The following KCNG2 variants were observed in gnomAD, a reference collection of about 807,000 sequenced individuals.
KCNG2 encodes the protein voltage-gated potassium channel regulatory subunit KCNG2.
In KCNG2, 7 loss-of-function variants were observed where a neutral mutation model predicts 12.3. The ratio of observed to expected loss-of-function variants is 0.57; its 90% CI spans 0.32 to 1.07. The LOEUF (loss-of-function observed/expected upper bound fraction) is 1.07, where lower values mean the gene tolerates loss of function less well. Among genes scored for constraint, KCNG2 ranks in the 50% least tolerant of loss-of-function variants. The probability of loss-of-function intolerance (pLI) is 0.04; values close to 1 mark genes in which losing one functional copy is unlikely to be tolerated. For missense variants in KCNG2, 703 were observed against 726.0 expected, an observed-to-expected ratio of 0.97 and a Z score of 0.36; for synonymous variants, 414 against 351.4, an observed-to-expected ratio of 1.18 and a Z score of -1.99.
Position 79,899,783 on chromosome 18 carries a change from C to A in KCNG2, c.1368C>A (p.Ser456=). The A allele has an allele frequency of 6.8e-7, 1 of 1,460,078 alleles. No homozygotes were observed. Among genetic ancestry groups the A allele is most frequent in the South Asian group, 1.4e-5 (1 of 70,974 alleles). 90.4% of individuals were successfully genotyped at this position (1,460,078 alleles called of 1,614,324 possible). ...ACAGCGCGGGCCTGGCCGACGACTC[C>A]GCGGATGCGCTGTGGGTGCGGGCAG... ...GPDSAGLADD[S]ADALWVRAGR Residue 456 remains serine, a synonymous_variant, in exon 4 of 4, where the codon TCC becomes TCA. Transcript: ENST00000316249.
At chr18:79,809,679 A>T (rs1432941344) in intron 1 of KCNG2, among the ~76,000 whole-genome samples, 1 of 151,526 alleles carries the variant, frequency 6.6e-6, no homozygotes, top group African/African-American at 2.4e-5. Flanking sequence ...TGCCCAGCGC[A>T]CCTGCCGCTT....
At chr18:79,851,620 G>A (rs1210927730) in intron 1 of KCNG2, among the ~76,000 whole-genome samples, 1 of 76,376 alleles carries the variant, frequency 1.3e-5, no homozygotes, top group Non-Finnish European at 3.5e-5. Context: ...GTGTGAGAGT[G>A]TGTGTGTATG....
intron 3 of KCNG2, among the ~76,000 whole-genome samples, chr18:79,882,758 G>T (rs183937840): frequency 1.4e-3 from 202 of 146,722 alleles, no homozygotes; most frequent in African/African-American, 4.8e-3. Flanking sequence ...GGCTGCCGTG[G>T]AGCGCGGAGG....
intron 1 of KCNG2, among the ~76,000 whole-genome samples, chr18:79,810,570 C>G (rs1469575782): frequency 1.3e-5 from 2 of 152,140 alleles, no homozygotes; most frequent in Non-Finnish European, 2.9e-5. Context: ...AAATTTAAGA[C>G]CAGCTTGGGG....
intron 3 of KCNG2, among the ~76,000 whole-genome samples, chr18:79,885,148 CAG>C (rs1365841543): frequency 6.6e-6 from 1 of 152,170 alleles, no homozygotes; most frequent in East Asian, 1.9e-4. Flanking sequence ...GGCTGTGGAG[CAG>C]AGTCTGAAGG....
chr18:79,844,712 A>G (rs974700381), intron 1 of KCNG2, among the ~76,000 whole-genome samples: 2 of 152,262 alleles, frequency 1.3e-5, no homozygotes, highest in African/African-American at 2.4e-5. Flanking sequence ...ATGTCACCAC[A>G]CAGCTATGAG....
At position 79,893,171 on chromosome 18, in the gene KCNG2, T is replaced by C. The variant is rs2123128836; in HGVS notation, c.625-5869T>C. ...ACATCTAATGTTATGATTGATATAGTTGGCTCCGTGTCCGCTTTTGATTGG... is the reference window on the plus strand; with the variant it reads ...ACATCTAATGTTATGATTGATATAGCTGGCTCCGTGTCCGCTTTTGATTGG... On this transcript the variant is annotated intron_variant, in intron 3 of 3. Coordinates refer to ENST00000316249, the MANE Select transcript of KCNG2 (RefSeq NM_012283.2). Among the ~76,000 whole-genome samples, 2 of 152,270 alleles carry C rather than the reference T, an allele frequency of 1.3e-5. 1 individual carries two copies. The highest frequency in any genetic ancestry group is 4.2e-4 in the South Asian group (2 of 4,816).
intron 3 of KCNG2, among the ~76,000 whole-genome samples, chr18:79,865,375 G>A (rs541165050): frequency 2.3e-5 from 3 of 133,170 alleles, no homozygotes; most frequent in South Asian, 4.9e-4. Flanking sequence ...TGTGCTGAGA[G>A]TGTGGGTGCT....
In KCNG2 at chr18:79,899,126, C is replaced by T. The variant is rs753634460; in HGVS notation, c.711C>T (p.Ser237=). 7 of 1,607,466 alleles carry T rather than the reference C, an allele frequency of 4.4e-6. No homozygotes were observed. Among genetic ancestry groups the T allele is most frequent in the Middle Eastern group, 3.3e-4 (2 of 6,056 alleles). The change falls in exon 4 of 4, where the codon TCC becomes TCT. Residue 237 remains serine (S), a synonymous_variant. Transcript: ENST00000316249. ...TCTCCTTCGAGTTCCTGCTGCGCTC[C>T]CTGCAGGCCGAGAGCAAGTGCGCCT... ...AWFSFEFLLR[S]LQAESKCAFL...
chr18:79,836,995 C>G (rs549516847), intron 1 of KCNG2, among the ~76,000 whole-genome samples: 1 of 152,306 alleles, frequency 6.6e-6, no homozygotes, highest in African/African-American at 2.4e-5. Context: ...AGCATTAACC[C>G]AAAAGTCCAA....
rs58042579 is a variant in KCNG2, at chr18:79,861,275, T to C, written c.-40-2353T>C. Among the ~76,000 whole-genome samples the C allele has an allele frequency of 5.4e-3, 23 of 4,250 alleles. No homozygotes were observed. The East Asian group carries it at 0.12, about 21-fold the overall frequency. 2.8% of individuals were successfully genotyped at this position (4,250 alleles called of 152,430 possible). A position where few individuals can be genotyped will look rare whatever the true frequency, so the allele number is the denominator to read the frequency against. On this transcript the variant is annotated intron_variant, in intron 2 of 3. Coordinates refer to ENST00000316249, the MANE Select transcript of KCNG2 (RefSeq NM_012283.2). ...CCTCTGTTTTCTTCTCTCTCTCTCTTTTTTTTTTTTTTTTTTTTTTGAGAT... is the reference window on the plus strand; with the variant it reads ...CCTCTGTTTTCTTCTCTCTCTCTCTCTTTTTTTTTTTTTTTTTTTTGAGAT...
chr18:79,856,904 G>A (rs970714526), intron 2 of KCNG2, among the ~76,000 whole-genome samples: 2 of 151,650 alleles, frequency 1.3e-5, no homozygotes, highest in Non-Finnish European at 2.9e-5. Flanking sequence ...CGCTTGACTT[G>A]TAGGGCTCGG....
At chr18:79,882,794 G>A (rs1980355906) in intron 3 of KCNG2, among the ~76,000 whole-genome samples, 1 of 149,392 alleles carries the variant, frequency 6.7e-6, no homozygotes, top group African/African-American at 2.4e-5. Context: ...CGTGGAGCGC[G>A]GAGGCCGGGT....
At chr18:79,842,345 G>T (rs1219279469) in intron 1 of KCNG2, among the ~76,000 whole-genome samples, 1 of 152,188 alleles carries the variant, frequency 6.6e-6, no homozygotes, top group Non-Finnish European at 1.5e-5. Flanking sequence ...ATCTCTGGGT[G>T]GGCTGACTGA....
At chr18:79,881,277 C>G (rs111713466) in intron 3 of KCNG2, among the ~76,000 whole-genome samples, 1 of 150,598 alleles carries the variant, frequency 6.6e-6, no homozygotes. Flanking sequence ...ACACGCCGTA[C>G]GATTGGAAAG....
intron 1 of KCNG2, among the ~76,000 whole-genome samples, chr18:79,833,294 C>T (rs113585221): frequency 6.6e-6 from 1 of 152,116 alleles, no homozygotes; most frequent in Non-Finnish European, 1.5e-5. Flanking sequence ...TGCTACCACA[C>T]CTGGCTAATT....
intron 3 of KCNG2, among the ~76,000 whole-genome samples, chr18:79,866,669 G>C (rs1489370073): frequency 2.1e-5 from 1 of 48,064 alleles, no homozygotes; most frequent in Admixed American, 2.5e-4. Flanking sequence ...CTGAGGTCTG[G>C]GTGCTGAGAG....
chr18:79,820,021 G>T (rs1001363846), intron 1 of KCNG2, among the ~76,000 whole-genome samples: 15 of 152,208 alleles, frequency 9.9e-5, no homozygotes, highest in African/African-American at 3.1e-4. Context: ...CCGAGGAGGA[G>T]CTCCTTCCTT....
chr18:79,881,067 C>G (rs1262928669), intron 3 of KCNG2, among the ~76,000 whole-genome samples: 1 of 152,230 alleles, frequency 6.6e-6, no homozygotes, highest in Non-Finnish European at 1.5e-5. Context: ...GCCTGCTCCC[C>G]ACTCCTCTTC....
Sources: allele counts gnomAD v4.1 joint callset (sites outside exome capture counted in the v4.1 genomes callset), GRCh38; gene constraint gnomAD v4.1.1; transcripts MANE v1.5; gene names NCBI Gene and HGNC (gene_info 2026-07-23, HGNC 2026-07-21).